Variants in PPP2R2B observed in about 807,000 individuals in gnomAD.
PPP2R2B encodes the protein protein phosphatase 2 regulatory subunit Bbeta, also known as serine/threonine-protein phosphatase 2A 55 kDa regulatory subunit B beta isoform.
In PPP2R2B, 5 loss-of-function variants were observed where a neutral mutation model predicts 46.0. The observed-to-expected ratio is 0.11, with a 90% CI of 0.06 to 0.23. The LOEUF is 0.23. Ranked by LOEUF, PPP2R2B falls within the 10% of genes least tolerant of loss-of-function variation. The pLI, the probability that PPP2R2B is intolerant of heterozygous loss-of-function variation, is 1.00. For missense variants in PPP2R2B, 367 were observed against 575.0 expected (o/e 0.64, Z 3.70); for synonymous variants, 215 against 206.7 (o/e 1.04, Z -0.34).
At chr5:146,829,388 G>T (rs1205009507) in intron 2 of PPP2R2B, among the ~76,000 whole-genome samples, 1 of 152,174 alleles carries the variant, frequency 6.6e-6, no homozygotes, top group African/African-American at 2.4e-5. Flanking sequence ...AAATATTAAT[G>T]GGCATGCTTG....
Position 146,587,651 on chromosome 5 carries a change from G to C in PPP2R2B, c.*2296C>G, listed in dbSNP as rs1406634748. The C allele has an allele frequency of 6.6e-6, 1 of 152,152 alleles. No individual in the cohort carries two copies. Among genetic ancestry groups the C allele is most frequent in the Admixed American group, 6.5e-5 (1 of 15,274 alleles). The allele number at this position is 152,152 out of a possible 1,614,324, so 9.4% of individuals were successfully genotyped here. A position where few individuals can be genotyped will look rare whatever the true frequency, so the allele number is the denominator to read the frequency against. On this transcript the variant is annotated 3_prime_UTR_variant, in exon 10 of 10. Coordinates refer to ENST00000394411, the MANE Select transcript of PPP2R2B (RefSeq NM_181675.4). Reference sequence around the variant, plus strand: ...TCTTCTGTCATATCAGTTACTCAGGGTCCCAAAGTTTGATACACATGCTCC... The same window carrying C: ...TCTTCTGTCATATCAGTTACTCAGGCTCCCAAAGTTTGATACACATGCTCC...
intron 1 of PPP2R2B, among the ~76,000 whole-genome samples, chr5:147,039,421 G>A (rs1756192268): frequency 6.6e-6 from 1 of 152,160 alleles, no homozygotes; most frequent in African/African-American, 2.4e-5. Flanking sequence ...AATGAATGCT[G>A]TCCCTTGGGT....
chr5:146,749,699 C>G (rs57076058), intron 2 of PPP2R2B, among the ~76,000 whole-genome samples: 1 of 149,404 alleles, frequency 6.7e-6, no homozygotes, highest in African/African-American at 2.5e-5. Flanking sequence ...CCCAGGTTCA[C>G]GCCATTGTCC....
upstream of PPP2R2B, among the ~76,000 whole-genome samples, chr5:147,058,234 G>A (rs551107791): frequency 2.9e-4 from 44 of 152,162 alleles, no homozygotes; most frequent in South Asian, 6.2e-4. Context: ...TTATGTGGAC[G>A]TGAAGGTCCT....
chr5:146,759,941 T>C (rs148920726), intron 2 of PPP2R2B, among the ~76,000 whole-genome samples: 1 of 152,298 alleles, frequency 6.6e-6, no homozygotes, highest in Non-Finnish European at 1.5e-5. Flanking sequence ...TATTACAATA[T>C]CATATTTGTG....
chr5:146,759,180 C>G (rs963280123), intron 2 of PPP2R2B, among the ~76,000 whole-genome samples: 16 of 152,154 alleles, frequency 1.1e-4, no homozygotes, highest in African/African-American at 3.9e-4. Flanking sequence ...TCATTTTTCT[C>G]CCTTGCTATT....
chr5:146,925,363 A>G (rs1443989382), intron 1 of PPP2R2B, among the ~76,000 whole-genome samples: 2 of 152,178 alleles, frequency 1.3e-5, no homozygotes, highest in Non-Finnish European at 2.9e-5. Context: ...TGTTTATCCA[A>G]AAATGTCCTT....
chr5:146,973,268 T>C (rs1177342983), intron 1 of PPP2R2B, among the ~76,000 whole-genome samples: 1 of 152,228 alleles, frequency 6.6e-6, no homozygotes, highest in Non-Finnish European at 1.5e-5. Flanking sequence ...GAAAAATGTG[T>C]AGGGGCTTCA....
intron 1 of PPP2R2B, among the ~76,000 whole-genome samples, chr5:147,041,931 A>G (rs971748715): frequency 6.6e-6 from 1 of 152,014 alleles, no homozygotes; most frequent in African/African-American, 2.4e-5. Context: ...CTTAGCTAAG[A>G]GAGCCAGACA....
At chr5:147,034,546 TG>T (rs1294422654) in intron 1 of PPP2R2B, among the ~76,000 whole-genome samples, 1 of 152,200 alleles carries the variant, frequency 6.6e-6, no homozygotes, top group African/African-American at 2.4e-5. Flanking sequence ...TTCTTTGGAA[TG>T]AGTCCATGTT....
chr5:146,605,417 C>T (rs1042892211), intron 7 of PPP2R2B, among the ~76,000 whole-genome samples: 1 of 152,200 alleles, frequency 6.6e-6, no homozygotes, highest in African/African-American at 2.4e-5. Flanking sequence ...ATCCCCACTA[C>T]TCTAGGTAGC....
At chr5:146,894,051 A>G (rs1224213315) in intron 1 of PPP2R2B, among the ~76,000 whole-genome samples, 1 of 152,108 alleles carries the variant, frequency 6.6e-6, no homozygotes, top group Non-Finnish European at 1.5e-5. Context: ...GTCTCAAAAC[A>G]ACAACAATAA....
intron 2 of PPP2R2B, among the ~76,000 whole-genome samples, chr5:146,815,701 C>T (rs1169012038): frequency 6.6e-6 from 1 of 152,208 alleles, no homozygotes; most frequent in Non-Finnish European, 1.5e-5. Context: ...TTTGTGACTC[C>T]ATTTTAACCT....
intron 1 of PPP2R2B, among the ~76,000 whole-genome samples, chr5:147,021,723 G>A (rs1368662500): frequency 2.0e-5 from 3 of 152,118 alleles, no homozygotes; most frequent in Non-Finnish European, 2.9e-5. Context: ...CTATCAGAAT[G>A]AAGCCCAATA....
At chr5:147,041,702 G>A (rs1366522551) in intron 1 of PPP2R2B, among the ~76,000 whole-genome samples, 1 of 151,962 alleles carries the variant, frequency 6.6e-6, no homozygotes, top group Admixed American at 6.6e-5. Flanking sequence ...GCTTTAGGGG[G>A]GCTGTAAGTC....
rs371035075 is a variant in PPP2R2B, at chr5:147,045,608, C to T, written c.79+10057G>A. Among the ~76,000 whole-genome samples, 6 of 152,146 alleles carry T rather than the reference C, an allele frequency of 3.9e-5. 1 individual carries two copies. The East Asian group carries it at 5.8e-4, about 15-fold the overall frequency. Reference sequence around the variant, plus strand: ...TAGCTCTTCTAATGTATTCTCCTCACAGCAGTCCCAAAAATCTTTTCATGC... The same window carrying T: ...TAGCTCTTCTAATGTATTCTCCTCATAGCAGTCCCAAAAATCTTTTCATGC... On this transcript the variant is annotated intron_variant, in intron 1 of 8. Coordinates refer to the PPP2R2B transcript ENST00000336640.
At chr5:146,843,785 A>AT (rs574292698) in intron 2 of PPP2R2B, among the ~76,000 whole-genome samples, 3 of 152,162 alleles carry the variant, frequency 2.0e-5, no homozygotes, top group South Asian at 4.2e-4. Context: ...TGAACTCATC[A>AT]TTTTTTATGG....
chr5:146,707,121 C>T, intron 2 of PPP2R2B: 1 of 1,596,582 alleles, frequency 6.3e-7, no homozygotes, highest in Non-Finnish European at 8.5e-7. Flanking sequence ...TGTTGCCAAG[C>T]TCCGCCTCCA....
intron 2 of PPP2R2B, among the ~76,000 whole-genome samples, chr5:146,796,775 C>T (rs1348562741): frequency 6.6e-6 from 1 of 152,152 alleles, no homozygotes; most frequent in East Asian, 1.9e-4. Flanking sequence ...TGTTTTGTAG[C>T]TTCTAAGTCT....
Sources: allele counts gnomAD v4.1 joint callset (sites outside exome capture counted in the v4.1 genomes callset), GRCh38; gene constraint gnomAD v4.1.1; transcripts MANE v1.5; gene names NCBI Gene and HGNC (gene_info 2026-07-23, HGNC 2026-07-21).